TMEM182: variants seen among roughly 807,000 people sequenced by gnomAD.
TMEM182 encodes the protein transmembrane protein 182.
TMEM182 carries 20 observed loss-of-function variants against 26.8 expected under a neutral mutation model. That is an observed-to-expected ratio of 0.75 (90% confidence interval 0.53 to 1.09). The LOEUF (loss-of-function observed/expected upper bound fraction) is 1.09. TMEM182 is among the 50% of genes least tolerant of loss of function. The probability of loss-of-function intolerance (pLI) is 0.00; values close to 1 mark genes in which losing one functional copy is unlikely to be tolerated. For synonymous variants in TMEM182, 109 were observed against 102.2 expected, an observed-to-expected ratio of 1.07 and a Z score of -0.40; for missense variants, 277 against 275.5, an observed-to-expected ratio of 1.01 and a Z score of -0.04.
rs537958525 is a variant in TMEM182, at chr2:102,789,416, T to C, written c.332-8447T>C. Among the ~76,000 whole-genome samples the C allele has an allele frequency of 7.5e-4, 115 of 152,320 alleles. 1 individual carries two copies. The highest frequency in any genetic ancestry group is 2.7e-3 in the African/African-American group (112 of 41,560). On this transcript the variant is annotated intron_variant, in intron 3 of 4. Coordinates refer to ENST00000412401, the MANE Select transcript of TMEM182 (RefSeq NM_144632.5). ...TATGAAAGAAGGTTTGTTCTGCAAA[T>C]TATATTATGCAAAATCAAGAGGAAA...
At chr2:102,791,875 A>G (rs916826211) in intron 3 of TMEM182, among the ~76,000 whole-genome samples, 2 of 152,120 alleles carry the variant, frequency 1.3e-5, no homozygotes, top group East Asian at 3.9e-4. Context: ...ACAAGCTCAT[A>G]TAAAGAACAA....
intron 3 of TMEM182, among the ~76,000 whole-genome samples, chr2:102,773,435 C>A (rs766549050): frequency 6.6e-6 from 1 of 151,482 alleles, no homozygotes; most frequent in Non-Finnish European, 1.5e-5. Flanking sequence ...CAGAAGAAAG[C>A]GAGGGAGCGA....
chr2:102,807,894 A>G (rs1211370885), intron 4 of TMEM182, among the ~76,000 whole-genome samples: 1 of 152,218 alleles, frequency 6.6e-6, no homozygotes, highest in African/African-American at 2.4e-5. Flanking sequence ...TATATTTAAT[A>G]TATTAACTCT....
chr2:102,816,225 G>C lies in TMEM182; in HGVS notation c.*1257G>C. The C allele has an allele frequency of 1.0e-6, 1 of 985,354 alleles. No individual in the cohort carries two copies. The highest frequency in any genetic ancestry group is 1.2e-6 in the Non-Finnish European group (1 of 829,934). The allele number at this position is 985,354 out of a possible 1,614,324, so 61.0% of individuals were successfully genotyped here. ...TTCTGGAAGCCTCCATCGCAGGGGA[G>C]CTCGGCAGGGTATGTGAGCTTTGTT... On this transcript the variant is annotated 3_prime_UTR_variant, in exon 5 of 5. Transcript: ENST00000412401.
intron 1 of TMEM182, among the ~76,000 whole-genome samples, chr2:102,752,829 T>C: frequency 6.6e-6 from 1 of 152,220 alleles, no homozygotes; most frequent in East Asian, 1.9e-4. Context: ...TTTTTCTTTC[T>C]CTAAATTAAG....
chr2:102,778,435 AT>A (rs1389998674), intron 3 of TMEM182, among the ~76,000 whole-genome samples: 1 of 151,954 alleles, frequency 6.6e-6, no homozygotes, highest in Non-Finnish European at 1.5e-5. Flanking sequence ...TAATTGGGTG[AT>A]TTTTTTATAA....
intron 1 of TMEM182, among the ~76,000 whole-genome samples, chr2:102,754,690 G>A (rs554010593): frequency 7.9e-5 from 12 of 152,072 alleles, no homozygotes; most frequent in Non-Finnish European, 1.6e-4. Flanking sequence ...ATTTTGTTTT[G>A]GGAATGTTTA....
chr2:102,768,082 T>G (rs1212474056), intron 3 of TMEM182, among the ~76,000 whole-genome samples: 1 of 152,236 alleles, frequency 6.6e-6, no homozygotes, highest in Non-Finnish European at 1.5e-5. Context: ...CACTGGTACA[T>G]GCACTGGGCC....
chr2:102,749,800 C>G (rs986891589), intron 1 of TMEM182, among the ~76,000 whole-genome samples: 1 of 152,026 alleles, frequency 6.6e-6, no homozygotes, highest in Non-Finnish European at 1.5e-5. Context: ...CAAACTGCCT[C>G]TGTAAAATTT....
chr2:102,825,997 G>A (rs975590260), intron 3 of TMEM182, among the ~76,000 whole-genome samples: 5 of 152,166 alleles, frequency 3.3e-5, no homozygotes, highest in African/African-American at 9.7e-5. Flanking sequence ...AATTGCTTGA[G>A]GCTACATGTT....
In TMEM182 at chr2:102,763,690, G is replaced by C. The variant is rs576613070; in HGVS notation, c.233-639G>C. ...GAAATGGTTTAGACTTTAGTAAAGGGAAGTAAGTCAGACTGTGCAAGAGGA... is the reference window on the plus strand; with the variant it reads ...GAAATGGTTTAGACTTTAGTAAAGGCAAGTAAGTCAGACTGTGCAAGAGGA... On this transcript the variant is annotated intron_variant, in intron 2 of 4. Coordinates refer to ENST00000412401, the MANE Select transcript of TMEM182 (RefSeq NM_144632.5). Among the ~76,000 whole-genome samples the C allele has an allele frequency of 9.3e-4, 141 of 152,286 alleles. 6 individuals carry two copies. The South Asian group carries it at 0.026, about 28-fold the overall frequency.
intron 3 of TMEM182, among the ~76,000 whole-genome samples, chr2:102,826,665 A>G (rs1683036727): frequency 6.6e-6 from 1 of 152,168 alleles, no homozygotes; most frequent in South Asian, 2.1e-4. Flanking sequence ...TTCCGAAGTC[A>G]CTGGATACAG....
At chr2:102,802,556 A>G (rs1196177487) in intron 4 of TMEM182, among the ~76,000 whole-genome samples, 2 of 152,242 alleles carry the variant, frequency 1.3e-5, no homozygotes. Context: ...GGACTCACAG[A>G]GAACTCTTAG....
intron 3 of TMEM182, among the ~76,000 whole-genome samples, chr2:102,790,829 A>G (rs939767673): frequency 6.6e-6 from 1 of 152,234 alleles, no homozygotes; most frequent in African/African-American, 2.4e-5. Flanking sequence ...TTTTATGGAT[A>G]AAATTGAGAC....
chr2:102,807,352 AAT>A (rs1031593485), intron 4 of TMEM182, among the ~76,000 whole-genome samples: 17 of 152,178 alleles, frequency 1.1e-4, no homozygotes, highest in Non-Finnish European at 2.4e-4. Flanking sequence ...TTGGAGAAAA[AAT>A]GGAAAACAAG....
At chr2:102,764,463 G>T in intron 3 of TMEM182, 36 bp downstream of exon 3, 2 of 1,571,344 alleles carry the variant, frequency 1.3e-6, no homozygotes, top group Non-Finnish European at 1.7e-6. Flanking sequence ...CTTCTAAAAG[G>T]GTCTTATCTT....
intron 4 of TMEM182, among the ~76,000 whole-genome samples, chr2:102,806,791 C>T (rs879585843): frequency 2.0e-5 from 3 of 152,164 alleles, no homozygotes; most frequent in Admixed American, 6.5e-5. Context: ...CTTGGATCCT[C>T]TCTATTTTAC....
At position 102,830,532 on chromosome 2, in the gene TMEM182, AT is replaced by A. The variant is rs1683131222; in HGVS notation, c.326-12877del. ...TTTTGGCTCTGGATTTTATTTATGT[AT>A]TTATGTATTTATTTATGTATTTATT... On this transcript the variant is annotated intron_variant, in intron 3 of 3. Transcript: ENST00000486293. 3.3e-5 allele frequency among the ~76,000 whole-genome samples: 5 copies of A among 152,086 alleles called. No individual in the cohort carries two copies. In the South Asian group the frequency reaches 1.0e-3, roughly 32 times the overall value.
intron 2 of TMEM182, among the ~76,000 whole-genome samples, chr2:102,763,145 A>G (rs1680286218): frequency 1.3e-5 from 2 of 152,156 alleles, no homozygotes; most frequent in South Asian, 2.1e-4. Context: ...TAAAAAAATC[A>G]TGGAACTTAA....
Sources: gnomAD v4.1 joint callset for allele counts (sites outside exome capture counted in the v4.1 genomes callset) on GRCh38, gnomAD v4.1.1 for gene constraint, MANE v1.5 for transcripts, NCBI Gene and HGNC (gene_info 2026-07-23, HGNC 2026-07-21) for gene names.